IP6K1: variants seen among roughly 807,000 people sequenced by gnomAD.
The protein encoded by IP6K1 is inositol hexakisphosphate kinase 1, also known as ATP:1D-myo-inositol-hexakisphosphate phosphotransferase.
Under a neutral mutation model 38.3 loss-of-function variants are expected in IP6K1, and 13 were observed. The observed-to-expected ratio is 0.34, with a 90% CI of 0.22 to 0.54. The LOEUF (loss-of-function observed/expected upper bound fraction) is 0.54, where lower values mean the gene tolerates loss of function less well. Ranked by LOEUF, IP6K1 falls within the 20% of genes least tolerant of loss-of-function variation. The pLI, the probability that IP6K1 is intolerant of heterozygous loss-of-function variation, is 0.92. For missense variants in IP6K1, 397 were observed against 599.8 expected (o/e 0.66, Z 3.53); for synonymous variants, 212 against 229.9 (o/e 0.92, Z 0.70).
intron 1 of IP6K1, among the ~76,000 whole-genome samples, chr3:49,778,572 G>A (rs1193770446): frequency 6.6e-6 from 1 of 152,122 alleles, no homozygotes; most frequent in East Asian, 1.9e-4. Context: ...GGCAGAGGTT[G>A]TAGTGAGCCG....
At position 49,725,145 on chromosome 3, in the gene IP6K1, G is replaced by C. The variant is rs2080486556; in HGVS notation, c.*1977C>G. ...CCCAGGCCTTCCCACTCTTTGTAGTGCCAGGAAAATACTGAATGTAAGTGG... is the reference window on the plus strand; with the variant it reads ...CCCAGGCCTTCCCACTCTTTGTAGTCCCAGGAAAATACTGAATGTAAGTGG... On this transcript the variant is annotated 3_prime_UTR_variant, in exon 6 of 6. Coordinates refer to ENST00000321599, the MANE Select transcript of IP6K1 (RefSeq NM_153273.4). 1 of 152,676 alleles carries C rather than the reference G, an allele frequency of 6.5e-6. No homozygotes were observed. The highest frequency in any genetic ancestry group is 2.1e-4 in the South Asian group (1 of 4,832). 9.5% of individuals were successfully genotyped at this position (152,676 alleles called of 1,614,324 possible). A position where few individuals can be genotyped will look rare whatever the true frequency, so the allele number is the denominator to read the frequency against.
intron 1 of IP6K1, among the ~76,000 whole-genome samples, chr3:49,782,826 G>A (rs889366022): frequency 6.6e-6 from 1 of 150,942 alleles, no homozygotes; most frequent in East Asian, 2.0e-4. Flanking sequence ...AAGGCCAGGC[G>A]TGGCCAGGTG....
intron 4 of IP6K1, among the ~76,000 whole-genome samples, chr3:49,731,007 TTC>T (rs1236055577): frequency 6.6e-6 from 1 of 151,860 alleles, no homozygotes; most frequent in Non-Finnish European, 1.5e-5. Context: ...GGATTTATAT[TTC>T]TGTCTTGCCA....
intron 4 of IP6K1, among the ~76,000 whole-genome samples, chr3:49,731,477 G>A (rs1035971658): frequency 2.0e-5 from 3 of 152,116 alleles, no homozygotes; most frequent in Non-Finnish European, 2.9e-5. Flanking sequence ...GGAGGCTGCA[G>A]AAATATCTCA....
chr3:49,740,309 A>G (rs1415294941), intron 2 of IP6K1, among the ~76,000 whole-genome samples: 3 of 147,776 alleles, frequency 2.0e-5, no homozygotes, highest in Admixed American at 6.9e-5. Flanking sequence ...GCCTCAAACA[A>G]TCCTCTTGCC....
intron 1 of IP6K1, among the ~76,000 whole-genome samples, chr3:49,781,461 A>C (rs1043636660): frequency 2.6e-5 from 4 of 152,246 alleles, no homozygotes; most frequent in Admixed American, 2.6e-4. Context: ...CCCCAGGAGC[A>C]GAAATGTTTT....
intron 1 of IP6K1, among the ~76,000 whole-genome samples, chr3:49,756,319 T>C (rs1174111475): frequency 6.6e-6 from 1 of 152,168 alleles, no homozygotes; most frequent in Non-Finnish European, 1.5e-5. Context: ...GGAGAGAATC[T>C]AGAGTCCACT....
rs1268755153 is a variant in IP6K1, at chr3:49,738,396, C to A, written c.250G>T (p.Asp84Tyr). 2 of 1,614,018 alleles carry A rather than the reference C, an allele frequency of 1.2e-6. No homozygotes were observed. The highest frequency in any genetic ancestry group is 1.7e-6 in the Non-Finnish European group (2 of 1,180,010). Reference sequence around the variant, plus strand: ...ACTAAGTTGATGTAACCATCACTGTCCCCCTCAAAACAGACAGATACCACG... The same window carrying A: ...ACTAAGTTGATGTAACCATCACTGTACCCCTCAAAACAGACAGATACCACG... ...KGVVSVCFEG[D>Y]SDGYINLVAY... The change falls in exon 3 of 6, where the codon GAC becomes TAC. Residue 84 changes from aspartate to tyrosine, a missense_variant. Physicochemically the swap from Asp to Tyr is radical, Grantham distance 160 (BLOSUM62 -3). Around this residue, in one of 3 missense-constraint regions of IP6K1, gnomAD observed 171 missense variants for 237.0 expected, o/e 0.72. Coordinates refer to ENST00000321599, the MANE Select transcript of IP6K1 (RefSeq NM_153273.4).
intron 3 of IP6K1, among the ~76,000 whole-genome samples, chr3:49,734,291 T>C (rs1226089076): frequency 6.6e-6 from 1 of 151,490 alleles, no homozygotes; most frequent in Non-Finnish European, 1.5e-5. Flanking sequence ...CTGTCTATCA[T>C]ACTGAAAGGC....
chr3:49,773,010 T>A (rs1288683395), intron 1 of IP6K1, among the ~76,000 whole-genome samples: 1 of 151,942 alleles, frequency 6.6e-6, no homozygotes, highest in African/African-American at 2.4e-5. Flanking sequence ...TTTTGGTAGA[T>A]AAGCGGGCCT....
Position 49,727,651 on chromosome 3 carries a change from T to G in IP6K1, c.797A>C (p.Tyr266Ser). 6.2e-7 allele frequency: 1 copy of G among 1,612,742 alleles called. No homozygotes were observed. Among genetic ancestry groups the G allele is most frequent in the Non-Finnish European group, 8.5e-7 (1 of 1,178,942 alleles). Reference sequence around the variant, plus strand: ...GAGGTAATGCCCTGTGTCCAGCTGGTACACCTGAAACCCCAGGAGGCAGAC... The same window carrying G: ...GAGGTAATGCCCTGTGTCCAGCTGGGACACCTGAAACCCCAGGAGGCAGAC... The part of the protein sequence containing the change: ...LGVRVCGMQV[Y>S]QLDTGHYLCR... Residue 266 changes from tyrosine (Y) to serine (S), a missense_variant, in exon 6 of 6, where the codon TAC becomes TCC. Coordinates refer to ENST00000321599, the MANE Select transcript of IP6K1 (RefSeq NM_153273.4). This position sits in a 1 kb window ranked among gnomAD's most constrained non-coding sequence, Gnocchi z 5.9.
At chr3:49,759,277 T>C (rs114427427) in intron 1 of IP6K1, among the ~76,000 whole-genome samples, 2,292 of 152,290 alleles carry the variant, frequency 0.015, 45 homozygotes, top group African/African-American at 0.052. Flanking sequence ...TCTGAAAATA[T>C]AGTCAAAGAT....
At chr3:49,738,914 G>A (rs1364077393) in intron 2 of IP6K1, among the ~76,000 whole-genome samples, 1 of 152,046 alleles carries the variant, frequency 6.6e-6, no homozygotes, top group African/African-American at 2.4e-5. Flanking sequence ...TGAGCATCAG[G>A]CTATCCCAGC....
At chr3:49,748,827 T>C (rs1356003293) in intron 1 of IP6K1, 1 of 152,252 alleles carries the variant, frequency 6.6e-6, no homozygotes, top group African/African-American at 2.4e-5. Flanking sequence ...TGTATTTCTA[T>C]TACTACATTG....
At chr3:49,761,475 G>A (rs757281091) in intron 1 of IP6K1, among the ~76,000 whole-genome samples, 2 of 150,660 alleles carry the variant, frequency 1.3e-5, no homozygotes, top group African/African-American at 2.4e-5. Context: ...TTAGCCGGGC[G>A]CAATGGCAGG....
chr3:49,741,821 G>C (rs555477670), intron 2 of IP6K1, among the ~76,000 whole-genome samples: 1 of 152,338 alleles, frequency 6.6e-6, no homozygotes, highest in East Asian at 1.9e-4. Flanking sequence ...CCTGCTTCCA[G>C]ATAGGTGTTC....
intron 1 of IP6K1, among the ~76,000 whole-genome samples, chr3:49,774,975 T>C (rs149676010): frequency 3.9e-5 from 6 of 152,234 alleles, no homozygotes; most frequent in African/African-American, 1.4e-4. Flanking sequence ...TCTACATACA[T>C]ACAATATAAA....
At chr3:49,757,451 G>A (rs2080833575) in intron 1 of IP6K1, among the ~76,000 whole-genome samples, 2 of 152,152 alleles carry the variant, frequency 1.3e-5, no homozygotes, top group African/African-American at 4.8e-5. Context: ...CTGCTAGGCA[G>A]GGTGGCTCAC....
At chr3:49,763,311 T>C (rs1381295367) in intron 1 of IP6K1, among the ~76,000 whole-genome samples, 1 of 151,480 alleles carries the variant, frequency 6.6e-6, no homozygotes, top group African/African-American at 2.4e-5. Flanking sequence ...TTCGCCGTGT[T>C]AGCCAGGATG....
Sources: gnomAD v4.1 joint callset for allele counts (sites outside exome capture counted in the v4.1 genomes callset) on GRCh38, gnomAD v4.1.1 for gene constraint, gnomAD v4.1.1 regional missense constraint, Gnocchi (gnomAD v3.1) non-coding constraint, MANE v1.5 for transcripts, NCBI Gene and HGNC (gene_info 2026-07-23, HGNC 2026-07-21) for gene names.